Variants in MAD1L1 observed in about 807,000 individuals in gnomAD.
MAD1L1 encodes mitotic arrest deficient 1 like 1.
In MAD1L1, 95 loss-of-function variants were observed where a neutral mutation model predicts 96.9. The ratio of observed to expected loss-of-function variants is 0.98; its 90% CI spans 0.83 to 1.16. The LOEUF (loss-of-function observed/expected upper bound fraction) is 1.16, where lower values mean the gene tolerates loss of function less well. Ranked by LOEUF, MAD1L1 falls within the 50% of genes most tolerant of loss-of-function variation. The probability of loss-of-function intolerance (pLI) is 0.00; values close to 1 mark genes in which losing one functional copy is unlikely to be tolerated. For synonymous variants in MAD1L1, 473 were observed against 396.6 expected (o/e 1.19, Z -2.29); for missense variants, 1,007 against 954.4 (o/e 1.06, Z -0.73).
At chr7:1,998,472 C>A (rs1217504851) in intron 14 of MAD1L1, among the ~76,000 whole-genome samples, 2 of 152,352 alleles carry the variant, frequency 1.3e-5, no homozygotes, top group Non-Finnish European at 2.9e-5. Flanking sequence ...GCCTCCTGCA[C>A]ATGCAGAAGC....
chr7:1,999,640 G>A (rs1302976850), intron 14 of MAD1L1, among the ~76,000 whole-genome samples: 1 of 151,986 alleles, frequency 6.6e-6, no homozygotes, highest in Admixed American at 6.6e-5. Context: ...AGCCCCTTTC[G>A]ATGCCCCTCC....
chr7:2,193,936 A>ATTTTTTTT (rs35067993), intron 10 of MAD1L1, among the ~76,000 whole-genome samples: 47 of 82,788 alleles, frequency 5.7e-4, no homozygotes, highest in Admixed American at 1.0e-3. Flanking sequence ...CTCTGCATGG[A>ATTTTTTTT]TTTTTTTTTT....
At position 2,222,743 on chromosome 7, in the gene MAD1L1, G is replaced by A; in HGVS notation, c.303C>T (p.Asp101=). ...TSARNYEREV[D]RNQELLTRIR... is the part of the protein sequence containing the mutation. Reference sequence around the variant, plus strand: ...TGCGCGTCAGGAGCTCCTGGTTGCGGTCGACCTCACGCTGTTAAGAGAGCA... The same window carrying A: ...TGCGCGTCAGGAGCTCCTGGTTGCGATCGACCTCACGCTGTTAAGAGAGCA... Residue 101 remains aspartate (D), a synonymous_variant, in exon 5 of 19, where the codon GAC becomes GAT. Coordinates refer to ENST00000265854, the MANE Select transcript of MAD1L1 (RefSeq NM_001013836.2). 1.2e-6 allele frequency: 2 copies of A among 1,601,974 alleles called. No homozygotes were observed. Among genetic ancestry groups the A allele is most frequent in the Non-Finnish European group, 1.7e-6 (2 of 1,178,336 alleles).
At chr7:1,945,490 C>G (rs1249309859) in intron 16 of MAD1L1, among the ~76,000 whole-genome samples, 1 of 152,208 alleles carries the variant, frequency 6.6e-6, no homozygotes, top group African/African-American at 2.4e-5. Flanking sequence ...TTCTCCAAGT[C>G]GTGGAGAGTC....
At chr7:2,221,587 G>C (rs1291457495) in intron 5 of MAD1L1, among the ~76,000 whole-genome samples, 1 of 152,054 alleles carries the variant, frequency 6.6e-6, no homozygotes, top group Non-Finnish European at 1.5e-5. Flanking sequence ...CAAAGGACAG[G>C]AGAGGTCAGA....
chr7:2,074,323 G>A (rs558205012), intron 11 of MAD1L1, among the ~76,000 whole-genome samples: 31 of 152,060 alleles, frequency 2.0e-4, no homozygotes, highest in African/African-American at 7.2e-4. Context: ...ACCCTCAGGC[G>A]CCAAGGACGC....
chr7:2,119,600 G>A lies in MAD1L1; in HGVS notation c.1073+29552C>T, dbSNP rs1787879393. On this transcript the variant is annotated intron_variant, in intron 11 of 18. Coordinates refer to ENST00000265854, the MANE Select transcript of MAD1L1 (RefSeq NM_001013836.2). This position sits in a 1 kb window ranked among gnomAD's most constrained non-coding sequence, Gnocchi z 4.6. ...ACATGCAGACATCAGAGGCCTCCAAGCCCTTGACTTAGTGGCAGGTGGGCT... is the reference window on the plus strand; with the variant it reads ...ACATGCAGACATCAGAGGCCTCCAAACCCTTGACTTAGTGGCAGGTGGGCT... Among the ~76,000 whole-genome samples, 1 of 152,186 alleles carries A rather than the reference G, an allele frequency of 6.6e-6. No individual in the cohort carries two copies. Among genetic ancestry groups the A allele is most frequent in the Non-Finnish European group, 1.5e-5 (1 of 68,026 alleles).
intron 5 of MAD1L1, among the ~76,000 whole-genome samples, chr7:2,219,984 CAA>C (rs1339766655): frequency 6.6e-6 from 1 of 152,152 alleles, no homozygotes; most frequent in Non-Finnish European, 1.5e-5. Context: ...CCCACGCTCC[CAA>C]AGTCCCATCA....
chr7:1,957,518 G>A (rs891635996), intron 16 of MAD1L1, 111 bp downstream of exon 16: 3 of 1,068,914 alleles, frequency 2.8e-6, no homozygotes, highest in Non-Finnish European at 2.8e-6. Context: ...AGTTCAGACA[G>A]ACGAGCCAGA....
intron 18 of MAD1L1, among the ~76,000 whole-genome samples, chr7:1,868,543 G>A (rs990580571): frequency 1.4e-5 from 2 of 147,726 alleles, no homozygotes; most frequent in Admixed American, 7.0e-5. Flanking sequence ...GGGGAAGGGA[G>A]CTCCTGGAGG....
rs771436383 is a variant in MAD1L1, at chr7:1,898,211, G to C, written c.1987C>G (p.Leu663Val). ...SLYAEHPGDC[L>V]IFKATSPSGS... is the part of the protein sequence containing the mutation. ...CACGCAGGACCCACCTTGAAGATGA[G>C]GCAGTCGCCTGGGTGCTCGGCGTAC... The change falls in exon 18 of 19, where the codon CTC becomes GTC. Residue 663 changes from leucine (L) to valine (V), a missense_variant. Transcript: ENST00000265854. 4 of 1,609,910 alleles carry C rather than the reference G, an allele frequency of 2.5e-6. No homozygotes were observed. Among genetic ancestry groups the C allele is most frequent in the Admixed American group, 3.4e-5 (2 of 59,346 alleles).
chr7:1,926,119 A>T (rs1789074520), intron 17 of MAD1L1, among the ~76,000 whole-genome samples: 1 of 152,238 alleles, frequency 6.6e-6, no homozygotes, highest in Non-Finnish European at 1.5e-5. Flanking sequence ...GCGAGGCAAG[A>T]GCACAGACAA....
intron 4 of MAD1L1, among the ~76,000 whole-genome samples, chr7:2,224,835 C>G (rs949908728): frequency 6.6e-6 from 1 of 152,140 alleles, no homozygotes; most frequent in African/African-American, 2.4e-5. Flanking sequence ...GAGCCAGGAG[C>G]AACACAGAGC....
intron 11 of MAD1L1, among the ~76,000 whole-genome samples, chr7:2,082,436 G>A (rs950773000): frequency 6.6e-6 from 1 of 152,204 alleles, no homozygotes; most frequent in African/African-American, 2.4e-5. Flanking sequence ...AAGGAGCCGG[G>A]CCTGGGAGCT....
intron 16 of MAD1L1, among the ~76,000 whole-genome samples, chr7:1,956,072 T>A (rs1031675615): frequency 6.6e-6 from 1 of 152,132 alleles, no homozygotes; most frequent in African/African-American, 2.4e-5. Context: ...CTGTTTCTTC[T>A]GTAGTTTGGT....
rs115784609 is a variant in MAD1L1 at position 2,021,582 on chromosome 7, C to T, written c.1219-6940G>A. 1.6e-3 allele frequency among the ~76,000 whole-genome samples: 238 copies of T among 151,506 alleles called. 2 individuals carry two copies. Among genetic ancestry groups the T allele is most frequent in the African/African-American group, 5.5e-3 (227 of 40,922 alleles). On this transcript the variant is annotated intron_variant, in intron 12 of 18. Coordinates refer to ENST00000265854, the MANE Select transcript of MAD1L1 (RefSeq NM_001013836.2). ...GAGTTTGAGACCATCCTGGACAATG[C>T]GGCGAAACCTCGTCTCTACTGAAAG...
intron 11 of MAD1L1, among the ~76,000 whole-genome samples, chr7:2,133,439 G>A (rs577280576): frequency 6.6e-6 from 1 of 152,360 alleles, no homozygotes; most frequent in South Asian, 2.1e-4. Context: ...GTATAATTTG[G>A]ATAACAGCCC....
intron 17 of MAD1L1, among the ~76,000 whole-genome samples, chr7:1,899,878 A>C: frequency 6.6e-6 from 1 of 152,210 alleles, no homozygotes; most frequent in East Asian, 1.9e-4. Flanking sequence ...GCAAACCAGA[A>C]GCCCTCAAGT....
intron 13 of MAD1L1, among the ~76,000 whole-genome samples, chr7:2,010,070 G>GTTTT (rs56012894): frequency 2.2e-5 from 2 of 89,788 alleles, no homozygotes; most frequent in African/African-American, 4.2e-5. Context: ...TTTTTAACAG[G>GTTTT]TTTTTTTTTT....
Sources: gnomAD v4.1 joint callset for allele counts (sites outside exome capture counted in the v4.1 genomes callset) on GRCh38, gnomAD v4.1.1 for gene constraint, Gnocchi (gnomAD v3.1) non-coding constraint, MANE v1.5 for transcripts, NCBI Gene and HGNC (gene_info 2026-07-23, HGNC 2026-07-21) for gene names.